Variants in C4orf50 observed in about 807,000 individuals in gnomAD.
C4orf50 encodes the protein uncharacterized protein C4orf50.
A neutral mutation model predicts 77.2 loss-of-function variants in C4orf50; 80 were observed. That is an observed-to-expected ratio of 1.04 (90% confidence interval 0.87 to 1.25). The LOEUF (loss-of-function observed/expected upper bound fraction) is 1.25, where lower values mean the gene tolerates loss of function less well. Among genes scored for constraint, C4orf50 ranks in the 50% most tolerant of loss-of-function variants. The pLI is 0.00. For synonymous variants in C4orf50, 532 were observed against 465.3 expected (o/e 1.14, Z -1.84); for missense variants, 1,257 against 1,152.9 (o/e 1.09, Z -1.31).
chr4:5,947,199 A>T (rs1331515228), intron 7 of C4orf50, among the ~76,000 whole-genome samples: 1 of 152,158 alleles, frequency 6.6e-6, no homozygotes. Context: ...CATTCATGAG[A>T]TGAGGAAGCT....
In C4orf50 at chr4:5,970,751, T is replaced by C. The variant is rs1719862526; in HGVS notation, c.4104+2908A>G. Among the ~76,000 whole-genome samples the C allele has an allele frequency of 6.6e-6, 1 of 152,034 alleles. No homozygotes were observed. The highest frequency in any genetic ancestry group is 1.5e-5 in the Non-Finnish European group (1 of 67,996). On this transcript the variant is annotated intron_variant, in intron 31 of 33. Transcript: ENST00000531445. The surrounding 1 kb of genome is among the most constrained non-coding windows in gnomAD (Gnocchi z 4.3). Reference sequence around the variant, plus strand: ...ATGGGCACCAGGCCACGCCACCTCCTCCTGAAAGGGTAGAGCTTAGTGGCC... The same window carrying C: ...ATGGGCACCAGGCCACGCCACCTCCCCCTGAAAGGGTAGAGCTTAGTGGCC...
rs1719066132 is a variant in C4orf50 at position 5,958,045 on chromosome 4, C to T, written c.*1330G>A. 1 of 152,208 alleles carries T rather than the reference C, an allele frequency of 6.6e-6. No individual in the cohort carries two copies. 9.4% of individuals were successfully genotyped at this position (152,208 alleles called of 1,614,324 possible). On this transcript the variant is annotated 3_prime_UTR_variant, in exon 34 of 34. Transcript: ENST00000531445. The surrounding 1 kb of genome is among the most constrained non-coding windows in gnomAD (Gnocchi z 5.4). ...TTGTCCTTGTCCTTGTTTGTCCTTCCATGAAGGGACAGTCACTTCCAGGAG... is the reference window on the plus strand; with the variant it reads ...TTGTCCTTGTCCTTGTTTGTCCTTCTATGAAGGGACAGTCACTTCCAGGAG...
intron 7 of C4orf50, among the ~76,000 whole-genome samples, chr4:5,911,040 G>A (rs1716784196): frequency 6.6e-6 from 1 of 151,346 alleles, no homozygotes; most frequent in Non-Finnish European, 1.5e-5. Context: ...CAAGTAGCTG[G>A]GACTACAGGT....
exon 28 of C4orf50, chr4:5,989,950 G>C: frequency 7.0e-7 from 1 of 1,420,282 alleles, no homozygotes; most frequent in Non-Finnish European, 9.2e-7. Flanking sequence ...GCCCCTAGCT[G>C]TCCTCCCAGT....
chr4:5,954,383 G>A (rs536129057), downstream of C4orf50, among the ~76,000 whole-genome samples: 95 of 152,274 alleles, frequency 6.2e-4, 2 homozygotes, highest in South Asian at 0.019. The surrounding 1 kb of genome is among the most constrained non-coding windows in gnomAD (Gnocchi z 4.7). Context: ...TGCACCTGCT[G>A]CCCGATGCTA....
exon 31 of C4orf50, chr4:5,973,839 G>C (rs745943749): frequency 1.4e-4 from 219 of 1,608,164 alleles, no homozygotes; most frequent in Non-Finnish European, 1.7e-4. Context: ...AAGCTATCTT[G>C]GCCTGAAAGG....
intron 7 of C4orf50, among the ~76,000 whole-genome samples, chr4:5,912,152 C>T (rs1440198307): frequency 1.3e-5 from 2 of 152,162 alleles, no homozygotes; most frequent in Non-Finnish European, 2.9e-5. Flanking sequence ...TGTAAACACT[C>T]CTACTATGGC....
chr4:5,976,034 C>G, intron 29 of C4orf50, 79 bp from the exon 8 acceptor site: 1 of 1,213,156 alleles, frequency 8.2e-7, no homozygotes, highest in Non-Finnish European at 1.2e-6. Flanking sequence ...AAGCTGGGCT[C>G]AGAACAGCTG....
chr4:5,952,063 T>C lies in C4orf50; in HGVS notation c.*2474+4838A>G, dbSNP rs1718748260. Among the ~76,000 whole-genome samples the C allele has an allele frequency of 1.3e-5, 2 of 152,118 alleles. No homozygotes were observed. Among genetic ancestry groups the C allele is most frequent in the African/African-American group, 4.8e-5 (2 of 41,416 alleles). ...GGAAGTGCCATTAAAATAAAATGAA[T>C]CAACTAGTTCATGGAGTCATTCAAC... On this transcript the variant is annotated intron_variant, in intron 7 of 7. Transcript: ENST00000324058. This position sits in a 1 kb window ranked among gnomAD's most constrained non-coding sequence, Gnocchi z 4.4.
chr4:5,948,103 A>G (rs559096187), intron 7 of C4orf50, among the ~76,000 whole-genome samples: 1 of 152,242 alleles, frequency 6.6e-6, no homozygotes, highest in Admixed American at 6.5e-5. Context: ...GGTTGGGGAC[A>G]CTTCTCTCTG....
intron 7 of C4orf50, among the ~76,000 whole-genome samples, chr4:5,924,259 T>G (rs2108740236): frequency 6.6e-6 from 1 of 152,238 alleles, no homozygotes; most frequent in East Asian, 1.9e-4. Context: ...ATTATTTCTG[T>G]CCCTTTAGAG....
At chr4:5,910,406 C>T (rs936687429) in intron 7 of C4orf50, among the ~76,000 whole-genome samples, 1 of 152,172 alleles carries the variant, frequency 6.6e-6, no homozygotes, top group African/African-American at 2.4e-5. Context: ...AGAATCTCGT[C>T]AATCTGTTCC....
At chr4:5,997,647 T>C (rs1721652842) in intron 25 of C4orf50, among the ~76,000 whole-genome samples, 1 of 152,216 alleles carries the variant, frequency 6.6e-6, no homozygotes, top group Non-Finnish European at 1.5e-5. Context: ...TCATGTGCAA[T>C]TATAAGCAAA....
At chr4:5,925,254 C>T (rs1426337270) in intron 7 of C4orf50, among the ~76,000 whole-genome samples, 1 of 151,790 alleles carries the variant, frequency 6.6e-6, no homozygotes, top group African/African-American at 2.4e-5. Context: ...ACCCGCAACC[C>T]CTGAAGCAGC....
intron 7 of C4orf50, among the ~76,000 whole-genome samples, chr4:5,936,078 T>C (rs1187096577): frequency 2.0e-5 from 3 of 152,128 alleles, no homozygotes; most frequent in Admixed American, 2.0e-4. Flanking sequence ...TTTTGGTAGG[T>C]AGGTGGAAGG....
At position 5,930,788 on chromosome 4, in the gene C4orf50, C is replaced by T. The variant is rs574375934; in HGVS notation, c.*2474+26113G>A. On this transcript the variant is annotated intron_variant, in intron 7 of 7. Transcript: ENST00000324058. Reference sequence around the variant, plus strand: ...TGCGTCTCCCCTGGGAGCACGTGAGCACCATGAAGGCAGGGACCATGCTTA... The same window carrying T: ...TGCGTCTCCCCTGGGAGCACGTGAGTACCATGAAGGCAGGGACCATGCTTA... Among the ~76,000 whole-genome samples, 4 of 152,350 alleles carry T rather than the reference C, an allele frequency of 2.6e-5. No homozygotes were observed. The East Asian group carries it at 5.8e-4, about 22-fold the overall frequency.
Position 6,013,476 on chromosome 4 carries a change from T to A in C4orf50, c.288-1508A>T, listed in dbSNP as rs527389715. Among the ~76,000 whole-genome samples the A allele has an allele frequency of 3.0e-4, 45 of 152,352 alleles. 1 individual carries two copies. In the South Asian group the frequency reaches 6.4e-3, roughly 22 times the overall value. On this transcript the variant is annotated intron_variant, in intron 23 of 33. Transcript: ENST00000531445. ...TAAACGGAGCAGAAAATGACGAATT[T>A]CACTTTGGCAGGGTGAATTTTGGCC...
At chr4:5,936,811 T>C (rs1374012766) in intron 7 of C4orf50, among the ~76,000 whole-genome samples, 1 of 152,042 alleles carries the variant, frequency 6.6e-6, no homozygotes, top group Non-Finnish European at 1.5e-5. Flanking sequence ...AATGAATATA[T>C]GTCTTATAGC....
intron 7 of C4orf50, among the ~76,000 whole-genome samples, chr4:5,917,447 C>T (rs900207086): frequency 1.6e-5 from 2 of 122,526 alleles, no homozygotes; most frequent in Non-Finnish European, 3.2e-5. Context: ...TGGAGTCTCG[C>T]TCTGTCACTA....
Sources: allele counts gnomAD v4.1 joint callset (sites outside exome capture counted in the v4.1 genomes callset), GRCh38; gene constraint gnomAD v4.1.1; non-coding constraint Gnocchi (gnomAD v3.1); transcripts MANE v1.5; gene names NCBI Gene and HGNC (gene_info 2026-07-23, HGNC 2026-07-21).